The following ARAP2 variants were observed in gnomAD, a reference collection of about 807,000 sequenced individuals.
ARAP2 encodes the protein ArfGAP with RhoGAP domain, ankyrin repeat and PH domain 2.
A neutral mutation model predicts 194.5 loss-of-function variants in ARAP2; 148 were observed. That is an observed-to-expected ratio of 0.76 (90% confidence interval 0.67 to 0.87). The LOEUF (loss-of-function observed/expected upper bound fraction) is 0.87. Ranked by LOEUF, ARAP2 falls within the 40% of genes least tolerant of loss-of-function variation. The probability of loss-of-function intolerance (pLI) is 0.00; values close to 1 mark genes in which losing one functional copy is unlikely to be tolerated. For synonymous variants in ARAP2, 695 were observed against 683.5 expected, an observed-to-expected ratio of 1.02 and a Z score of -0.26; for missense variants, 2,128 against 1,989.7, an observed-to-expected ratio of 1.07 and a Z score of -1.32.
At chr4:36,195,487 A>C (rs1007830691) in intron 6 of ARAP2, among the ~76,000 whole-genome samples, 3 of 152,248 alleles carry the variant, frequency 2.0e-5, no homozygotes, top group Non-Finnish European at 4.4e-5. Context: ...AGAAATACAT[A>C]CCTTCTAACA....
At position 36,160,592 on chromosome 4, in the gene ARAP2, T is replaced by C. The variant is rs1021396263; in HGVS notation, c.2309A>G (p.Asn770Ser). 3.3e-6 allele frequency: 5 copies of C among 1,516,766 alleles called. No homozygotes were observed. In the South Asian group the frequency reaches 5.5e-5, roughly 17 times the overall value. The allele number at this position is 1,516,766 out of a possible 1,614,324, so 94.0% of individuals were successfully genotyped here. Residue 770 changes from asparagine to serine, a missense_variant, in exon 13 of 33, where the codon AAT becomes AGT. Transcript: ENST00000303965. ...ATGTAATTCTTCATCCTTTTGAAGA[T>C]TACCAGCCCAAAAGTCATTTGCTCT... ...NKRANDFWAG[N>S]LQKDEELHMD...
At chr4:36,078,583 G>A (rs1038845208) in intron 31 of ARAP2, among the ~76,000 whole-genome samples, 1 of 152,120 alleles carries the variant, frequency 6.6e-6, no homozygotes, top group Non-Finnish European at 1.5e-5. Context: ...TTTATCTTAA[G>A]GGAGGACCTG....
intron 5 of ARAP2, among the ~76,000 whole-genome samples, chr4:36,211,849 T>G (rs2109274447): frequency 6.6e-6 from 1 of 152,124 alleles, no homozygotes; most frequent in Non-Finnish European, 1.5e-5. Context: ...AATTAAAAAT[T>G]AAGAAAAAGA....
chr4:36,168,673 AAATC>A (rs1735858964), intron 9 of ARAP2, among the ~76,000 whole-genome samples: 1 of 152,254 alleles, frequency 6.6e-6, no homozygotes, highest in Admixed American at 6.5e-5. Context: ...TTTAGAAAAC[AAATC>A]ATCAACCGAA....
At chr4:36,112,887 T>C (rs1720384542) in intron 26 of ARAP2, among the ~76,000 whole-genome samples, 1 of 151,842 alleles carries the variant, frequency 6.6e-6, no homozygotes, top group Non-Finnish European at 1.5e-5. Flanking sequence ...CACCAGTTAA[T>C]ACATGTTAGC....
rs141927680 is a variant in ARAP2, at chr4:36,113,312, A to T, written c.4156+858T>A. Among the ~76,000 whole-genome samples the T allele has an allele frequency of 3.3e-3, 504 of 152,116 alleles. 3 individuals carry two copies. The highest frequency in any genetic ancestry group is 0.012 in the African/African-American group (482 of 41,548). Reference sequence around the variant, plus strand: ...AGATCTTGGCAATGTATATTTAAAAATAACATTGAAACATTTTAAATTTTA... The same window carrying T: ...AGATCTTGGCAATGTATATTTAAAATTAACATTGAAACATTTTAAATTTTA... On this transcript the variant is annotated intron_variant, in intron 26 of 32. Transcript: ENST00000303965.
intron 2 of ARAP2, among the ~76,000 whole-genome samples, chr4:36,227,766 T>C (rs1374224080): frequency 6.6e-6 from 1 of 152,198 alleles, no homozygotes; most frequent in African/African-American, 2.4e-5. Context: ...GGTTAAGTTT[T>C]AATGGGAAAA....
chr4:36,070,001 T>C (rs996690223), intron 32 of ARAP2, among the ~76,000 whole-genome samples: 2 of 152,182 alleles, frequency 1.3e-5, no homozygotes, highest in African/African-American at 4.8e-5. Context: ...CGTTCTGCTA[T>C]AATTGTAAGC....
chr4:36,086,422 T>C (rs1032349769), intron 28 of ARAP2, among the ~76,000 whole-genome samples: 15 of 152,036 alleles, frequency 9.9e-5, no homozygotes, highest in African/African-American at 3.6e-4. Flanking sequence ...GAAACACAAA[T>C]GATATAATTT....
chr4:36,191,477 C>T (rs918946206), intron 7 of ARAP2, among the ~76,000 whole-genome samples: 1 of 149,942 alleles, frequency 6.7e-6, no homozygotes, highest in Non-Finnish European at 1.5e-5. Context: ...TACTATGTCA[C>T]TAAAACCTCA....
At chr4:36,141,605 C>A (rs1728329009) in intron 19 of ARAP2, among the ~76,000 whole-genome samples, 1 of 151,630 alleles carries the variant, frequency 6.6e-6, no homozygotes, top group African/African-American at 2.4e-5. Flanking sequence ...TTAGGGGGTT[C>A]TTTCTCCTCT....
chr4:36,165,107 T>C lies in ARAP2; in HGVS notation c.1980A>G (p.Thr660=), dbSNP rs755482969. Residue 660 remains threonine, a synonymous_variant, in exon 11 of 33, where the codon ACA becomes ACG. Coordinates refer to ENST00000303965, the MANE Select transcript of ARAP2 (RefSeq NM_015230.4). ...IITPYRSFSF[T]AETEKEKQDW... ...CTTGTTTCTCCTTTTCAGTCTCGGC[T>C]GTAAAGCTGAAACAATTAACGTTTC... is the stretch of plus-strand genomic sequence containing the variant. The C allele has an allele frequency of 1.2e-6, 2 of 1,614,012 alleles. No individual in the cohort carries two copies. The highest frequency in any genetic ancestry group is 2.2e-5 in the South Asian group (2 of 91,074).
At chr4:36,078,412 C>T (rs1395874425) in intron 31 of ARAP2, among the ~76,000 whole-genome samples, 1 of 152,088 alleles carries the variant, frequency 6.6e-6, no homozygotes, top group African/African-American at 2.4e-5. Flanking sequence ...CAAAAGTACT[C>T]TGAATACCAA....
intron 5 of ARAP2, among the ~76,000 whole-genome samples, chr4:36,027,662 C>T (rs1329117357): frequency 6.6e-6 from 1 of 151,966 alleles, no homozygotes; most frequent in Non-Finnish European, 1.5e-5. Flanking sequence ...GCACTATTTG[C>T]CTGGTATTGT....
chr4:36,047,916 A>G (rs1560318370), intron 3 of ARAP2, among the ~76,000 whole-genome samples: 1 of 152,208 alleles, frequency 6.6e-6, no homozygotes, highest in Non-Finnish European at 1.5e-5. Context: ...TCTAATCCTG[A>G]TATGCAGTCA....
At chr4:36,208,952 G>A (rs941130977) in intron 6 of ARAP2, among the ~76,000 whole-genome samples, 2 of 152,146 alleles carry the variant, frequency 1.3e-5, no homozygotes, top group Admixed American at 6.5e-5. Flanking sequence ...AGAATGGAAA[G>A]TCAAAGTTCT....
chr4:36,155,431 G>A (rs191257991), intron 15 of ARAP2, among the ~76,000 whole-genome samples: 160 of 152,244 alleles, frequency 1.1e-3, no homozygotes, highest in Non-Finnish European at 2.1e-3. Flanking sequence ...ATAAGAAGAA[G>A]GAACCAGACT....
chr4:36,244,453 C>G lies in ARAP2; in HGVS notation c.-434G>C, dbSNP rs948504657. 6.6e-6 allele frequency: 1 copy of G among 150,420 alleles called. No homozygotes were observed. Among genetic ancestry groups the G allele is most frequent in the Non-Finnish European group, 1.5e-5 (1 of 67,354 alleles). 9.3% of individuals were successfully genotyped at this position (150,420 alleles called of 1,614,324 possible). ...GACCCGCGCTCAGCTCCGGAAACGC[C>G]GAGCCCGGCGCCCGCGCCTTGCTCA... On this transcript the variant is annotated 5_prime_UTR_variant, in exon 1 of 33. Coordinates refer to ENST00000303965, the MANE Select transcript of ARAP2 (RefSeq NM_015230.4).
At chr4:36,203,174 A>T (rs1744786159) in intron 6 of ARAP2, among the ~76,000 whole-genome samples, 1 of 152,216 alleles carries the variant, frequency 6.6e-6, no homozygotes, top group Non-Finnish European at 1.5e-5. Context: ...AGAATAAAAC[A>T]GGAGGTTTTG....
Sources: allele counts gnomAD v4.1 joint callset (sites outside exome capture counted in the v4.1 genomes callset), GRCh38; gene constraint gnomAD v4.1.1; transcripts MANE v1.5; gene names NCBI Gene and HGNC (gene_info 2026-07-23, HGNC 2026-07-21).